RPGRIP1L: variants seen among roughly 807,000 people sequenced by gnomAD.
RPGRIP1L encodes the protein protein fantom.
RPGRIP1L carries 131 observed loss-of-function variants against 160.4 expected under a neutral mutation model. The ratio of observed to expected loss-of-function variants is 0.82; its 90% CI spans 0.71 to 0.94. RPGRIP1L has a LOEUF of 0.94. RPGRIP1L is among the 40% of genes least tolerant of loss of function. The pLI, the probability that RPGRIP1L is intolerant of heterozygous loss-of-function variation, is 0.00. For missense variants in RPGRIP1L, 1,522 were observed against 1,535.8 expected, an observed-to-expected ratio of 0.99 and a Z score of 0.15; for synonymous variants, 510 against 515.8, an observed-to-expected ratio of 0.99 and a Z score of 0.15.
intron 4 of RPGRIP1L, among the ~76,000 whole-genome samples, chr16:53,688,623 A>G (rs1411787393): frequency 2.0e-5 from 3 of 152,240 alleles, no homozygotes; most frequent in African/African-American, 7.2e-5. Context: ...CATTTATAGA[A>G]TAACTAAATA....
rs1034001015 is a variant in RPGRIP1L at position 53,601,236 on chromosome 16, C to G, written c.*840G>C. ...AAAAATGATAAAAAGATACTCCTTT[C>G]ACGTCTAACTAAGCATATCAGAATT... On this transcript the variant is annotated 3_prime_UTR_variant, in exon 27 of 27. Transcript: ENST00000647211. The G allele has an allele frequency of 5.2e-5, 8 of 152,536 alleles. No homozygotes were observed. Among genetic ancestry groups the G allele is most frequent in the Non-Finnish European group, 1.5e-5 (1 of 68,034 alleles). The allele number at this position is 152,536 out of a possible 1,614,324, so 9.4% of individuals were successfully genotyped here. A position where few individuals can be genotyped will look rare whatever the true frequency, so the allele number is the denominator to read the frequency against.
intron 22 of RPGRIP1L, among the ~76,000 whole-genome samples, chr16:53,635,991 T>A (rs1446384702): frequency 6.6e-6 from 1 of 152,226 alleles, no homozygotes; most frequent in African/African-American, 2.4e-5. Flanking sequence ...TCACTTGTTT[T>A]GGCAGAAATG....
At chr16:53,625,013 A>G (rs1964995692) in intron 22 of RPGRIP1L, among the ~76,000 whole-genome samples, 1 of 151,962 alleles carries the variant, frequency 6.6e-6, no homozygotes, top group Non-Finnish European at 1.5e-5. Context: ...TGATCTGCCC[A>G]CCTTGGCCTC....
intron 17 of RPGRIP1L, among the ~76,000 whole-genome samples, chr16:53,642,280 G>C (rs1031766345): frequency 3.3e-5 from 5 of 151,866 alleles, no homozygotes; most frequent in African/African-American, 9.7e-5. Context: ...TGGCCACCTT[G>C]AACTCCTGGC....
intron 23 of RPGRIP1L, among the ~76,000 whole-genome samples, chr16:53,621,486 C>A (rs1489506670): frequency 7.0e-6 from 1 of 142,674 alleles, no homozygotes; most frequent in African/African-American, 2.6e-5. Context: ...GATCAAATGT[C>A]CTTTTTAATT....
At chr16:53,650,562 A>G (rs776407629) in intron 15 of RPGRIP1L, among the ~76,000 whole-genome samples, 1 of 152,130 alleles carries the variant, frequency 6.6e-6, no homozygotes, top group Non-Finnish European at 1.5e-5. Context: ...TGGCTTAATG[A>G]AAAAACACCC....
At chr16:53,650,276 A>G (rs773996934) in intron 15 of RPGRIP1L, among the ~76,000 whole-genome samples, 4 of 152,202 alleles carry the variant, frequency 2.6e-5, no homozygotes, top group Non-Finnish European at 5.9e-5. Context: ...GCCATGTTGC[A>G]GCAAGAAGGC....
intron 9 of RPGRIP1L, among the ~76,000 whole-genome samples, chr16:53,667,703 C>A (rs187261634): frequency 8.4e-4 from 127 of 151,992 alleles, no homozygotes; most frequent in Non-Finnish European, 1.3e-3. Flanking sequence ...GGAAACCCCA[C>A]CTCTACTAAA....
chr16:53,649,783 T>C (rs1213591007), intron 15 of RPGRIP1L, among the ~76,000 whole-genome samples: 1 of 152,206 alleles, frequency 6.6e-6, no homozygotes. Context: ...GGACATCGTA[T>C]GTCCTTGTTA....
At chr16:53,603,334 T>G (rs1285469792) in intron 26 of RPGRIP1L, among the ~76,000 whole-genome samples, 1 of 152,212 alleles carries the variant, frequency 6.6e-6, no homozygotes, top group African/African-American at 2.4e-5. Context: ...ATATAGTTTC[T>G]GTTTTTTTCT....
chr16:53,652,901 C>T lies in RPGRIP1L; in HGVS notation c.1786G>A (p.Glu596Lys). 7 of 1,612,900 alleles carry T rather than the reference C, an allele frequency of 4.3e-6. No individual in the cohort carries two copies. The highest frequency in any genetic ancestry group is 5.9e-6 in the Non-Finnish European group (7 of 1,179,628). ...TCGCCTCGTTCTAAGTGGATGGTTT[C>T]ATCAAATTCATCAACAGAGTCATCT... Reference protein sequence around the residue: ...MPDDSVDEFDETIHLERGENL... With the variant: ...MPDDSVDEFDKTIHLERGENL... The change falls in exon 15 of 27, where the codon GAA becomes AAA. Residue 596 changes from glutamate (E) to lysine (K), a missense_variant. Transcript: ENST00000647211.
chr16:53,690,487 C>T (rs972305483), intron 4 of RPGRIP1L, among the ~76,000 whole-genome samples: 5 of 152,142 alleles, frequency 3.3e-5, no homozygotes, highest in African/African-American at 9.7e-5. Context: ...TGAGTCACTG[C>T]GCCCAGCCTA....
At chr16:53,606,323 C>T (rs1274232232) in intron 25 of RPGRIP1L, among the ~76,000 whole-genome samples, 3 of 152,198 alleles carry the variant, frequency 2.0e-5, no homozygotes, top group Non-Finnish European at 4.4e-5. Flanking sequence ...CAGGAATTTA[C>T]AGTTAAGTAC....
chr16:53,688,908 G>A (rs1970199979), intron 4 of RPGRIP1L, among the ~76,000 whole-genome samples: 1 of 151,904 alleles, frequency 6.6e-6, no homozygotes, highest in South Asian at 2.1e-4. Flanking sequence ...ATAGTTTACT[G>A]TGTTAGAATT....
chr16:53,662,547 A>C (rs944257817), intron 10 of RPGRIP1L, among the ~76,000 whole-genome samples: 2 of 152,154 alleles, frequency 1.3e-5, no homozygotes, highest in South Asian at 4.1e-4. Flanking sequence ...AAGACACTTC[A>C]AAGTAAAATT....
At chr16:53,638,935 T>C (rs553942298) in intron 19 of RPGRIP1L, among the ~76,000 whole-genome samples, 22 of 151,706 alleles carry the variant, frequency 1.5e-4, no homozygotes, top group South Asian at 1.2e-3. Flanking sequence ...CCAAACAGTA[T>C]CTCTGAGTTT....
At chr16:53,661,679 T>C (rs1238694097) in intron 10 of RPGRIP1L, among the ~76,000 whole-genome samples, 2 of 152,192 alleles carry the variant, frequency 1.3e-5, no homozygotes, top group Admixed American at 6.5e-5. Context: ...ATCATTTCTA[T>C]GTTCTGGTTT....
At chr16:53,652,429 T>C (rs986937617) in intron 15 of RPGRIP1L, 106 bp downstream of exon 15, 6 of 892,362 alleles carry the variant, frequency 6.7e-6, no homozygotes, top group Admixed American at 6.2e-5. Flanking sequence ...GTCCTTGCTC[T>C]AAAGGCACCT....
At chr16:53,605,644 C>T (rs1350009470) in intron 25 of RPGRIP1L, 30 bp from the exon 26 acceptor site, 2 of 1,612,638 alleles carry the variant, frequency 1.2e-6, no homozygotes, top group Non-Finnish European at 1.7e-6. Flanking sequence ...AGAAAGTCAC[C>T]ACCAAGTGAG....
Sources: gnomAD v4.1 joint callset for allele counts (sites outside exome capture counted in the v4.1 genomes callset) on GRCh38, gnomAD v4.1.1 for gene constraint, MANE v1.5 for transcripts, NCBI Gene and HGNC (gene_info 2026-07-23, HGNC 2026-07-21) for gene names.